NELL2: variants seen among roughly 807,000 people sequenced by gnomAD.
NELL2 encodes protein kinase C-binding protein NELL2.
A neutral mutation model predicts 109.6 loss-of-function variants in NELL2; 41 were observed. The observed-to-expected ratio is 0.37, with a 90% CI of 0.29 to 0.49. NELL2 has a LOEUF of 0.49. Among genes scored for constraint, NELL2 ranks in the 20% least tolerant of loss-of-function variants. The pLI, the probability that NELL2 is intolerant of heterozygous loss-of-function variation, is 0.98. For synonymous variants in NELL2, 355 were observed against 344.7 expected (o/e 1.03, Z -0.33); for missense variants, 900 against 1,008.3 (o/e 0.89, Z 1.45).
intron 2 of NELL2, among the ~76,000 whole-genome samples, chr12:44,867,823 T>C (rs2710419): frequency 0.32 from 48,186 of 151,952 alleles, 8,457 homozygotes; most frequent in Non-Finnish European, 0.4. Context: ...AGTGTCTCTA[T>C]GTTAACAATA....
chr12:44,672,817 G>A (rs141507430), intron 12 of NELL2, among the ~76,000 whole-genome samples: 10 of 152,314 alleles, frequency 6.6e-5, no homozygotes, highest in Admixed American at 6.5e-4. Context: ...GTCTCTCAAT[G>A]TTCAGTGTTG....
At chr12:44,511,609 C>T (rs1941006378) in intron 19 of NELL2, among the ~76,000 whole-genome samples, 1 of 152,150 alleles carries the variant, frequency 6.6e-6, no homozygotes. Flanking sequence ...AAACAAACTC[C>T]TTTTAAATCC....
intron 1 of NELL2, among the ~76,000 whole-genome samples, chr12:44,901,058 C>T (rs1221516314): frequency 1.3e-5 from 2 of 151,938 alleles, no homozygotes; most frequent in African/African-American, 2.4e-5. Context: ...CAGAGCAGAA[C>T]TGAAGGAGGA....
Position 44,875,760 on chromosome 12 carries a change from C to T in NELL2, c.55+55G>A, listed in dbSNP as rs1945300432. The T allele has an allele frequency of 5.6e-6, 9 of 1,611,644 alleles. No individual in the cohort carries two copies. In the Admixed American group the frequency reaches 6.7e-5, roughly 12 times the overall value. ...GCGAGGCTTCCCCAGCCAGCCCATGCTGCCCCGAGGCGGGAGCCATCCCTT... is the reference window on the plus strand; with the variant it reads ...GCGAGGCTTCCCCAGCCAGCCCATGTTGCCCCGAGGCGGGAGCCATCCCTT... On this transcript the variant is annotated intron_variant, in intron 1 of 19. Coordinates refer to ENST00000429094, the MANE Select transcript of NELL2 (RefSeq NM_001145108.2).
chr12:44,523,655 G>A (rs1941639862), intron 16 of NELL2, 171 bp from the exon 17 acceptor site: 11 of 586,966 alleles, frequency 1.9e-5, no homozygotes, highest in Admixed American at 6.3e-5. Flanking sequence ...AATGATCTGG[G>A]GATTTCACAG....
chr12:44,787,392 A>C (rs1942218101), intron 3 of NELL2, among the ~76,000 whole-genome samples: 1 of 152,138 alleles, frequency 6.6e-6, no homozygotes, highest in Non-Finnish European at 1.5e-5. Flanking sequence ...AAATAATGGC[A>C]AAAAATTTAG....
chr12:44,827,714 T>C (rs1225888686), intron 2 of NELL2, among the ~76,000 whole-genome samples: 1 of 152,200 alleles, frequency 6.6e-6, no homozygotes, highest in African/African-American at 2.4e-5. Flanking sequence ...ATCTATCTGT[T>C]GGTGGACATT....
At chr12:44,884,400 C>T (rs1401464157) in intron 1 of NELL2, among the ~76,000 whole-genome samples, 4 of 151,932 alleles carry the variant, frequency 2.6e-5, no homozygotes, top group Admixed American at 6.6e-5. Context: ...TTGGAAACAT[C>T]TACATTCCTC....
chr12:44,868,846 T>C (rs1326031887), intron 2 of NELL2, among the ~76,000 whole-genome samples: 1 of 152,118 alleles, frequency 6.6e-6, no homozygotes, highest in Non-Finnish European at 1.5e-5. Flanking sequence ...TAATAATACA[T>C]TGTACTCTTC....
intron 13 of NELL2, among the ~76,000 whole-genome samples, chr12:44,644,606 A>G (rs865930916): frequency 1.3e-5 from 1 of 76,350 alleles, no homozygotes; most frequent in African/African-American, 5.8e-5. Context: ...ATATATATGT[A>G]TGTATATATA....
At chr12:44,587,523 T>C (rs1944571965) in intron 15 of NELL2, among the ~76,000 whole-genome samples, 1 of 152,032 alleles carries the variant, frequency 6.6e-6, no homozygotes, top group African/African-American at 2.4e-5. Context: ...ATGGTGCATC[T>C]TTTCTATTAA....
chr12:44,717,228 A>G (rs1171657862), intron 9 of NELL2, among the ~76,000 whole-genome samples: 1 of 152,180 alleles, frequency 6.6e-6, no homozygotes, highest in Non-Finnish European at 1.5e-5. Flanking sequence ...CAAAAAAGAT[A>G]TAATGATTCC....
chr12:44,907,160 C>T (rs1945728470), intron 1 of NELL2, among the ~76,000 whole-genome samples: 1 of 152,104 alleles, frequency 6.6e-6, no homozygotes, highest in Non-Finnish European at 1.5e-5. Context: ...AAGGCCTCCC[C>T]AGCCCTGCAG....
chr12:44,776,735 C>T (rs2136590097), intron 7 of NELL2, among the ~76,000 whole-genome samples: 1 of 152,256 alleles, frequency 6.6e-6, no homozygotes, highest in East Asian at 1.9e-4. Context: ...CTACTGCCTC[C>T]TTGCTTGTAA....
intron 12 of NELL2, among the ~76,000 whole-genome samples, chr12:44,667,883 T>C (rs1566120671): frequency 6.6e-6 from 1 of 152,182 alleles, no homozygotes; most frequent in Non-Finnish European, 1.5e-5. Flanking sequence ...AAAGAGACCC[T>C]GGGCCCTCAC....
At chr12:44,822,018 G>A (rs565125787) in intron 2 of NELL2, among the ~76,000 whole-genome samples, 3 of 151,728 alleles carry the variant, frequency 2.0e-5, no homozygotes, top group Non-Finnish European at 2.9e-5. Context: ...TGCCCGCCTC[G>A]GCCTCCCAAA....
At chr12:44,905,876 T>C (rs1789420422) in intron 1 of NELL2, among the ~76,000 whole-genome samples, 1 of 151,978 alleles carries the variant, frequency 6.6e-6, no homozygotes, top group South Asian at 2.1e-4. Context: ...ACTATTAATA[T>C]ATTAATGAAA....
intron 12 of NELL2, among the ~76,000 whole-genome samples, chr12:44,682,401 G>A (rs551769098): frequency 3.9e-5 from 6 of 151,934 alleles, no homozygotes; most frequent in Admixed American, 2.0e-4. Context: ...TACTTTTGCT[G>A]TGCAGAAGCT....
At chr12:44,868,049 G>C (rs1004714954) in intron 2 of NELL2, among the ~76,000 whole-genome samples, 2 of 146,624 alleles carry the variant, frequency 1.4e-5, no homozygotes, top group African/African-American at 5.1e-5. Context: ...GAACCTAGGA[G>C]GCAGAGGTTG....
Sources: allele counts gnomAD v4.1 joint callset (sites outside exome capture counted in the v4.1 genomes callset), GRCh38; gene constraint gnomAD v4.1.1; transcripts MANE v1.5; gene names NCBI Gene and HGNC (gene_info 2026-07-23, HGNC 2026-07-21).